MARK4: variants seen among roughly 807,000 people sequenced by gnomAD.
MARK4 encodes MAP/microtubule affinity-regulating kinase 4.
Under a neutral mutation model 81.5 loss-of-function variants are expected in MARK4, and 19 were observed. The ratio of observed to expected loss-of-function variants is 0.23; its 90% CI spans 0.16 to 0.34. The LOEUF (loss-of-function observed/expected upper bound fraction) is 0.34, where lower values mean the gene tolerates loss of function less well. Ranked by LOEUF, MARK4 falls within the 10% of genes least tolerant of loss-of-function variation. The probability of loss-of-function intolerance (pLI) is 1.00; values close to 1 mark genes in which losing one functional copy is unlikely to be tolerated. For synonymous variants in MARK4, 436 were observed against 439.0 expected (o/e 0.99, Z 0.08); for missense variants, 772 against 1,058.8 (o/e 0.73, Z 3.76).
rs563482943 is a variant in MARK4 at position 45,258,250 on chromosome 19, G to T, written c.52-739G>T. ...TCCACCCACCTCAGCCTCCCAAAGT[G>T]CTGGGATTACAGGCCTGAGCCACTG... On this transcript the variant is annotated intron_variant, in intron 1 of 16. Coordinates refer to ENST00000262891, the MANE Select transcript of MARK4 (RefSeq NM_001199867.2). Among the ~76,000 whole-genome samples, 33 of 152,242 alleles carry T rather than the reference G, an allele frequency of 2.2e-4. No individual in the cohort carries two copies. In the South Asian group the frequency reaches 4.6e-3, roughly 21 times the overall value.
In MARK4 at chr19:45,302,665, C is replaced by T. The variant is rs1317857087; in HGVS notation, c.2214C>T (p.Ala738=). The T allele has an allele frequency of 6.5e-7, 1 of 1,537,552 alleles. No homozygotes were observed. The highest frequency in any genetic ancestry group is 1.4e-5 in the African/African-American group (1 of 73,068). Reference sequence around the variant, plus strand: ...GCCGTGTGGCGGGCACCGCCCTGGCCTTCCGCACCCTCGTCACCCGCATCT... The same window carrying T: ...GCCGTGTGGCGGGCACCGCCCTGGCTTTCCGCACCCTCGTCACCCGCATCT... The part of the protein sequence containing the change: ...LFRRVAGTAL[A]FRTLVTRISN... The change falls in exon 17 of 17, where the codon GCC becomes GCT. Residue 738 remains alanine, a synonymous_variant. Coordinates refer to ENST00000262891, the MANE Select transcript of MARK4 (RefSeq NM_001199867.2). This position sits in a 1 kb window ranked among gnomAD's most constrained non-coding sequence, Gnocchi z 4.9.
intron 15 of MARK4, among the ~76,000 whole-genome samples, chr19:45,298,810 T>A (rs748742044): frequency 3.9e-5 from 6 of 152,140 alleles, no homozygotes; most frequent in Non-Finnish European, 2.9e-5. Flanking sequence ...ATTTGGTGGC[T>A]TATGCTTGTA....
At position 45,271,507 on chromosome 19, in the gene MARK4, C is replaced by T. The variant is rs1203056625; in HGVS notation, c.585C>T (p.Ile195=). The T allele has an allele frequency of 6.2e-7, 1 of 1,614,234 alleles. No individual in the cohort carries two copies. Among genetic ancestry groups the T allele is most frequent in the South Asian group, 1.1e-5 (1 of 91,082 alleles). The change falls in exon 8 of 17, where the codon ATC becomes ATT. Residue 195 remains isoleucine (I), a synonymous_variant. Transcript: ENST00000262891. The surrounding 1 kb of genome is among the most constrained non-coding windows in gnomAD (Gnocchi z 4.1). The part of the protein sequence containing the change: ...ENLLLDAEAN[I]KIADFGFSNE... ...TCTTGCTGGATGCCGAGGCCAACAT[C>T]AAGATTGCTGACTTTGGCTTCAGCA...
intron 13 of MARK4, among the ~76,000 whole-genome samples, chr19:45,291,780 TCAAAA>T (rs1007723158): frequency 5.3e-5 from 8 of 152,048 alleles, no homozygotes; most frequent in African/African-American, 1.2e-4. Flanking sequence ...GGACTCTGTC[TCAAAA>T]CAAAACAAAA....
rs185200515 is a variant in MARK4, at chr19:45,277,423, T to C, written c.787-500T>C. Among the ~76,000 whole-genome samples, 8 of 151,456 alleles carry C rather than the reference T, an allele frequency of 5.3e-5. No homozygotes were observed. The East Asian group carries it at 1.2e-3, about 22-fold the overall frequency. Reference sequence around the variant, plus strand: ...AAGTTTTCCTCTGAATGAAAAGTTATGTAGCTTAAATTTTTTTTTTTTTTT... The same window carrying C: ...AAGTTTTCCTCTGAATGAAAAGTTACGTAGCTTAAATTTTTTTTTTTTTTT... On this transcript the variant is annotated intron_variant, in intron 8 of 16. Coordinates refer to ENST00000262891, the MANE Select transcript of MARK4 (RefSeq NM_001199867.2).
chr19:45,280,917 G>A (rs1259513428), intron 12 of MARK4, among the ~76,000 whole-genome samples, 183 bp downstream of exon 12: 1 of 152,096 alleles, frequency 6.6e-6, no homozygotes, highest in Non-Finnish European at 1.5e-5. Context: ...TGCACAGCCA[G>A]GCTCAGGAAG....
At chr19:45,264,963 G>T in intron 6 of MARK4, 53 bp downstream of exon 6, 2 of 1,578,976 alleles carry the variant, frequency 1.3e-6, no homozygotes, top group Non-Finnish European at 1.7e-6. Context: ...CCCTGGGAGG[G>T]CGTCTGAGAG....
intron 7 of MARK4, among the ~76,000 whole-genome samples, chr19:45,268,152 C>G (rs1970479606): frequency 6.6e-6 from 1 of 152,004 alleles, no homozygotes; most frequent in South Asian, 2.1e-4. Flanking sequence ...CAGTCAAATT[C>G]CTATGGAGGA....
intron 13 of MARK4, among the ~76,000 whole-genome samples, chr19:45,289,620 CTT>C (rs1042675689): frequency 1.3e-5 from 2 of 149,692 alleles, no homozygotes; most frequent in Non-Finnish European, 3.0e-5. Flanking sequence ...AAATACAAAA[CTT>C]AGCCAGGCGT....
chr19:45,285,213 C>T (rs533383973), intron 12 of MARK4, among the ~76,000 whole-genome samples: 40 of 141,824 alleles, frequency 2.8e-4, no homozygotes, highest in African/African-American at 1.0e-3. Flanking sequence ...GAGTCCAGAT[C>T]GTGCCACTGC....
intron 1 of MARK4, chr19:45,258,771 C>A: frequency 1.8e-6 from 1 of 560,542 alleles, no homozygotes; most frequent in Non-Finnish European, 3.1e-6. Flanking sequence ...GGGTGTGATG[C>A]CTGGGGCCCT....
intron 14 of MARK4, among the ~76,000 whole-genome samples, chr19:45,295,509 T>G (rs1326209806): frequency 1.3e-5 from 2 of 152,058 alleles, no homozygotes; most frequent in Non-Finnish European, 2.9e-5. Context: ...GCATGGTGGC[T>G]CACACCTGTA....
chr19:45,257,897 G>C (rs1328163186), intron 1 of MARK4, among the ~76,000 whole-genome samples: 1 of 149,732 alleles, frequency 6.7e-6, no homozygotes, highest in African/African-American at 2.5e-5. Context: ...CACCTTGTTA[G>C]CCAGGATGGT....
intron 2 of MARK4, among the ~76,000 whole-genome samples, chr19:45,259,539 A>G (rs1377398084): frequency 6.6e-6 from 1 of 152,140 alleles, no homozygotes; most frequent in Admixed American, 6.6e-5. Context: ...AGGCAGGAGG[A>G]TTCCTTGAGC....
chr19:45,278,178 T>G (rs949856632), intron 9 of MARK4, 136 bp downstream of exon 9: 107 of 1,317,822 alleles, frequency 8.1e-5, no homozygotes, highest in South Asian at 5.4e-5. Flanking sequence ...TGCTGGTGAG[T>G]GGGGGTAGAC....
At chr19:45,273,423 G>C (rs906631981) in intron 8 of MARK4, among the ~76,000 whole-genome samples, 2 of 152,170 alleles carry the variant, frequency 1.3e-5, no homozygotes, top group African/African-American at 4.8e-5. Context: ...TGACATACAG[G>C]AAATACAGCA....
intron 16 of MARK4, among the ~76,000 whole-genome samples, chr19:45,301,921 C>T (rs1970980659): frequency 5.3e-5 from 8 of 151,856 alleles, no homozygotes; most frequent in Admixed American, 5.3e-4. Context: ...ACATTCAAAC[C>T]ATGTGGCCAA....
chr19:45,284,259 C>T (rs535192333), intron 12 of MARK4, among the ~76,000 whole-genome samples: 7 of 152,142 alleles, frequency 4.6e-5, no homozygotes, highest in Admixed American at 1.3e-4. Context: ...CCACCCGCCT[C>T]GGCCTCCCAA....
rs113202995 is a variant in MARK4 at position 45,259,435 on chromosome 19, C to T, written c.252+246C>T. Among the ~76,000 whole-genome samples, 793 of 152,230 alleles carry T rather than the reference C, an allele frequency of 5.2e-3. 15 individuals carry two copies. Among genetic ancestry groups the T allele is most frequent in the African/African-American group, 0.018 (734 of 41,532 alleles). On this transcript the variant is annotated intron_variant, in intron 2 of 16. Transcript: ENST00000262891. ...CAGATCACAGGCAGTCCAATGTGTG[C>T]GTTGCTAAGGATGCATGTGGCTTTT...
Sources: allele counts gnomAD v4.1 joint callset (sites outside exome capture counted in the v4.1 genomes callset), GRCh38; gene constraint gnomAD v4.1.1; non-coding constraint Gnocchi (gnomAD v3.1); transcripts MANE v1.5; gene names NCBI Gene and HGNC (gene_info 2026-07-23, HGNC 2026-07-21).